The following CGB7 variants were observed in gnomAD, a reference collection of about 807,000 sequenced individuals.
The protein encoded by CGB7 is choriogonadotropin subunit beta 7.
Under a neutral mutation model 7.3 loss-of-function variants are expected in CGB7, and 6 were observed. The ratio of observed to expected loss-of-function variants is 0.82; its 90% CI spans 0.45 to 1.62. CGB7 has a LOEUF of 1.62. Among genes scored for constraint, CGB7 ranks in the 40% most tolerant of loss-of-function variants. CGB7 has a pLI of 0.01. For missense variants in CGB7, 114 were observed against 236.2 expected, an observed-to-expected ratio of 0.48 and a Z score of 3.39; for synonymous variants, 47 against 100.8, an observed-to-expected ratio of 0.47 and a Z score of 3.20.
At chr19:49,057,097 G>A (rs1017592603) in intron 2 of CGB7, 24 bp downstream of exon 2, 84 of 1,531,166 alleles carry the variant, frequency 5.5e-5, no homozygotes, top group Middle Eastern at 4.4e-4. Context: ...GCAGGAGGCG[G>A]TGCCGAGCGA....
Position 49,057,217 on chromosome 19 carries a change from A to G in CGB7, c.-1317T>C, listed in dbSNP as rs1335656593. On this transcript the variant is annotated 5_prime_UTR_variant, in exon 2 of 5. Transcript: ENST00000684222. ...GGATACTGTGAAGGGTGGGCCAGAC[A>G]GCGCGGGGTTCTTCGTGCAGGCGAT... 6.5e-7 allele frequency: 1 copy of G among 1,534,044 alleles called. No homozygotes were observed. Among genetic ancestry groups the G allele is most frequent in the Non-Finnish European group, 8.7e-7 (1 of 1,146,258 alleles).
chr19:49,057,509 C>G lies in CGB7; in HGVS notation c.-1396G>C. On this transcript the variant is annotated 5_prime_UTR_variant, in exon 1 of 5. Coordinates refer to ENST00000684222, the MANE Select transcript of CGB7 (RefSeq NM_001385261.1). The stretch of plus-strand genomic sequence containing the variant: ...GCTGGTCAAGGAACTCAAATGCAGG[C>G]CCCCAGCCACCACAAAATCCCCCTG... 3 of 1,234,396 alleles carry G rather than the reference C, an allele frequency of 2.4e-6. No individual in the cohort carries two copies. Among genetic ancestry groups the G allele is most frequent in the Non-Finnish European group, 3.1e-6 (3 of 979,576 alleles). 76.5% of individuals were successfully genotyped at this position (1,234,396 alleles called of 1,614,324 possible). A position where few individuals can be genotyped will look rare whatever the true frequency, so the allele number is the denominator to read the frequency against.
Position 49,054,999 on chromosome 19 carries a change from G to A in CGB7, c.25C>T (p.Leu9=), listed in dbSNP as rs141607533. 0.019 allele frequency: 30,854 copies of A among 1,602,250 alleles called. 520 individuals are homozygous for A. Among genetic ancestry groups the A allele is most frequent in the Middle Eastern group, 0.043 (192 of 4,468 alleles). The change falls in exon 4 of 5, where the codon CTG becomes TTG. Residue 9 remains leucine (L), a synonymous_variant. Coordinates refer to ENST00000684222, the MANE Select transcript of CGB7 (RefSeq NM_001385261.1). MEMFQGLL[L]LLLLSMGGTW... ...CCGCCCATGCTCAGCAGCAGCAACA[G>A]CAGCAGCCCCTGGGACAAGGACACT... is the stretch of plus-strand genomic sequence containing the variant.
At position 49,056,978 on chromosome 19, in the gene CGB7, G is replaced by A. The variant is rs140697645; in HGVS notation, c.-1221+143C>T. 2.2e-3 allele frequency: 1,883 copies of A among 862,306 alleles called. 7 individuals carry two copies. Among genetic ancestry groups the A allele is most frequent in the Middle Eastern group, 7.0e-3 (20 of 2,858 alleles). The allele number at this position is 862,306 out of a possible 1,614,324, so 53.4% of individuals were successfully genotyped here. On this transcript the variant is annotated intron_variant, in intron 2 of 4. Coordinates refer to ENST00000684222, the MANE Select transcript of CGB7 (RefSeq NM_001385261.1). ...TGGGTGCTAAAAGAGGGAGGGGCTG[G>A]GGTCTGAACTGTGGTTGTTGCTGCT... is the stretch of plus-strand genomic sequence containing the variant.
Position 49,055,603 on chromosome 19 carries a change from C to G in CGB7, c.-228G>C. 6.9e-7 allele frequency: 1 copy of G among 1,456,552 alleles called. No individual in the cohort carries two copies. The highest frequency in any genetic ancestry group is 9.0e-7 in the Non-Finnish European group (1 of 1,105,886). 90.2% of individuals were successfully genotyped at this position (1,456,552 alleles called of 1,614,324 possible). A position where few individuals can be genotyped will look rare whatever the true frequency, so the allele number is the denominator to read the frequency against. ...TGAGGCGGAGACCACGGTGAAGTGA[C>G]CTCTGAGACTCAGTCGTCGAGTGCT... is the stretch of plus-strand genomic sequence containing the variant. On this transcript the variant is annotated 5_prime_UTR_variant, in exon 3 of 5. Transcript: ENST00000684222.
intron 3 of CGB7, 71 bp downstream of exon 3, chr19:49,055,290 G>A (rs1312388610): frequency 1.2e-6 from 2 of 1,608,582 alleles, no homozygotes; most frequent in African/African-American, 1.3e-5. Context: ...AGCTCACACT[G>A]GTCTGCCCCT....
chr19:49,057,499 C>G lies in CGB7; in HGVS notation c.-1386G>C. 1 of 1,248,422 alleles carries G rather than the reference C, an allele frequency of 8.0e-7. No individual in the cohort carries two copies. The highest frequency in any genetic ancestry group is 1.0e-6 in the Non-Finnish European group (1 of 988,104). The allele number at this position is 1,248,422 out of a possible 1,614,324, so 77.3% of individuals were successfully genotyped here. A position where few individuals can be genotyped will look rare whatever the true frequency, so the allele number is the denominator to read the frequency against. ...AAGCCCTCCTGCTGGTCAAGGAACT[C>G]AAATGCAGGCCCCCAGCCACCACAA... On this transcript the variant is annotated 5_prime_UTR_variant, in exon 1 of 5. Coordinates refer to ENST00000684222, the MANE Select transcript of CGB7 (RefSeq NM_001385261.1).
Position 49,056,344 on chromosome 19 carries a change from C to T in CGB7, c.-969G>A, listed in dbSNP as rs1274096809. 2.3e-6 allele frequency: 3 copies of T among 1,295,090 alleles called. No homozygotes were observed. The highest frequency in any genetic ancestry group is 5.4e-5 in the East Asian group (1 of 18,572). 80.2% of individuals were successfully genotyped at this position (1,295,090 alleles called of 1,614,324 possible). On this transcript the variant is annotated 5_prime_UTR_variant, in exon 3 of 5. Transcript: ENST00000684222. Reference sequence around the variant, plus strand: ...AGGCTTTCGGGACGCTGTGTATGCCCGGCAGGGGCTTCCAGTGGGGGCCAC... The same window carrying T: ...AGGCTTTCGGGACGCTGTGTATGCCTGGCAGGGGCTTCCAGTGGGGGCCAC...
chr19:49,056,259 C>T lies in CGB7; in HGVS notation c.-884G>A. On this transcript the variant is annotated 5_prime_UTR_variant, in exon 3 of 5. Coordinates refer to ENST00000684222, the MANE Select transcript of CGB7 (RefSeq NM_001385261.1). ...GGGGGCGTGTCTGGGGTGGGGCTGG[C>T]CCGGCAGGCTCCCACTAGCCCCGGC... The T allele has an allele frequency of 7.8e-7, 1 of 1,290,278 alleles. No individual in the cohort carries two copies. Among genetic ancestry groups the T allele is most frequent in the Non-Finnish European group, 1.0e-6 (1 of 989,258 alleles). The allele number at this position is 1,290,278 out of a possible 1,614,324, so 79.9% of individuals were successfully genotyped here.
In CGB7 at chr19:49,055,515, A is replaced by G. The variant is rs578087146; in HGVS notation, c.-140T>C. On this transcript the variant is annotated 5_prime_UTR_variant, in exon 3 of 5. Transcript: ENST00000684222. ...GGGCGAGAAGTAGACAAGGCCAGGG[A>G]GGCACAGGAGTGGCTCAGCGGAGCA... The G allele has an allele frequency of 6.5e-4, 1,029 of 1,591,898 alleles. 6 individuals are homozygous for G. Among genetic ancestry groups the G allele is most frequent in the Non-Finnish European group, 8.1e-4 (941 of 1,167,614 alleles).
In CGB7 at chr19:49,054,393, G is replaced by C. The variant is rs1273477261; in HGVS notation, c.396C>G (p.Asp132Glu). 3 of 1,607,386 alleles carry C rather than the reference G, an allele frequency of 1.9e-6. No homozygotes were observed. The highest frequency in any genetic ancestry group is 2.2e-5 in the East Asian group (1 of 44,690). ...AGGAAGAGGAGGCCTGGAAGCGGGG[G>C]TCATCACAGGTCAAGGGGTGGTCCT... is the stretch of plus-strand genomic sequence containing the variant. Reference protein sequence around the residue: ...GPKDHPLTCDDPRFQASSSSK... With the variant: ...GPKDHPLTCDEPRFQASSSSK... Residue 132 changes from aspartate to glutamate, a missense_variant, in exon 5 of 5, where the codon GAC becomes GAG. Around this residue, in one of 3 missense-constraint regions of CGB7, gnomAD observed 36 missense variants for 126.1 expected, o/e 0.29. Transcript: ENST00000684222.
In CGB7 at chr19:49,056,370, C is replaced by T. The variant is rs772394539; in HGVS notation, c.-995G>A. 5 of 1,295,468 alleles carry T rather than the reference C, an allele frequency of 3.9e-6. No individual in the cohort carries two copies. Among genetic ancestry groups the T allele is most frequent in the African/African-American group, 1.5e-5 (1 of 65,972 alleles). 80.2% of individuals were successfully genotyped at this position (1,295,468 alleles called of 1,614,324 possible). ...GGCAGGGGCTTCCAGTGGGGGCCAC[C>T]CCAAGTCGCCTCCAGCGGGCGGAAG... On this transcript the variant is annotated 5_prime_UTR_variant, in exon 3 of 5. Coordinates refer to ENST00000684222, the MANE Select transcript of CGB7 (RefSeq NM_001385261.1).
At position 49,057,562 on chromosome 19, in the gene CGB7, G is replaced by C; in HGVS notation, c.-1449C>G. Reference sequence around the variant, plus strand: ...TCTGCCCCCGGTCTCAAGCCTTCTTGGTGTGGCCACTGGAGCTGAGCTGCA... The same window carrying C: ...TCTGCCCCCGGTCTCAAGCCTTCTTCGTGTGGCCACTGGAGCTGAGCTGCA... On this transcript the variant is annotated 5_prime_UTR_variant, in exon 1 of 5. Coordinates refer to ENST00000684222, the MANE Select transcript of CGB7 (RefSeq NM_001385261.1). The C allele has an allele frequency of 8.4e-7, 1 of 1,187,886 alleles. No individual in the cohort carries two copies. Among genetic ancestry groups the C allele is most frequent in the Non-Finnish European group, 1.1e-6 (1 of 951,906 alleles). 73.6% of individuals were successfully genotyped at this position (1,187,886 alleles called of 1,614,324 possible).
Position 49,055,716 on chromosome 19 carries a change from G to A in CGB7, c.-341C>T. The A allele has an allele frequency of 7.8e-7, 1 of 1,274,870 alleles. No homozygotes were observed. The highest frequency in any genetic ancestry group is 1.0e-6 in the Non-Finnish European group (1 of 1,000,562). 79.0% of individuals were successfully genotyped at this position (1,274,870 alleles called of 1,614,324 possible). ...GTGGGGTCTTGGGAACCAGGAGGAGGCCGTGACCCGAGAAAGGTGCTGGAC... is the reference window on the plus strand; with the variant it reads ...GTGGGGTCTTGGGAACCAGGAGGAGACCGTGACCCGAGAAAGGTGCTGGAC... On this transcript the variant is annotated 5_prime_UTR_variant, in exon 3 of 5. Transcript: ENST00000684222.
rs1418777238 is a variant in CGB7 at position 49,056,209 on chromosome 19, A to G, written c.-834T>C. The G allele has an allele frequency of 7.8e-7, 1 of 1,280,014 alleles. No homozygotes were observed. The highest frequency in any genetic ancestry group is 1.0e-6 in the Non-Finnish European group (1 of 983,464). The allele number at this position is 1,280,014 out of a possible 1,614,324, so 79.3% of individuals were successfully genotyped here. A position where few individuals can be genotyped will look rare whatever the true frequency, so the allele number is the denominator to read the frequency against. ...GACACCGCGTAGTGAGCGGCTGCCC[A>G]GAGCTCTGCTCCGCCCCCACGCCAG... On this transcript the variant is annotated 5_prime_UTR_variant, in exon 3 of 5. Coordinates refer to ENST00000684222, the MANE Select transcript of CGB7 (RefSeq NM_001385261.1).
Position 49,054,823 on chromosome 19 carries a change from G to A in CGB7, c.183+18C>T, listed in dbSNP as rs555520021. On this transcript the variant is annotated intron_variant, in intron 4 of 4. Coordinates refer to ENST00000684222, the MANE Select transcript of CGB7 (RefSeq NM_001385261.1). ...GGCCCTGAGGTGGCAGCACCTGCCC[G>A]GGCCCCGGGCAGCTCACCATGGTGG... 5.9e-6 allele frequency: 9 copies of A among 1,534,360 alleles called. No individual in the cohort carries two copies. Among genetic ancestry groups the A allele is most frequent in the East Asian group, 2.3e-5 (1 of 43,498 alleles).
rs60722428 is a variant in CGB7 at position 49,055,754 on chromosome 19, C to T, written c.-379G>A. ...AAAGGTGCTGGACTGAAGCCTCAAC[C>T]CTCCTCTACTTGAGCCATTCCTGCA... On this transcript the variant is annotated 5_prime_UTR_variant, in exon 3 of 5. Coordinates refer to ENST00000684222, the MANE Select transcript of CGB7 (RefSeq NM_001385261.1). The T allele has an allele frequency of 0.31, 358,639 of 1,173,702 alleles. 54,391 individuals carry two copies. Among genetic ancestry groups the T allele is most frequent in the South Asian group, 0.39 (17,913 of 45,482 alleles). 72.7% of individuals were successfully genotyped at this position (1,173,702 alleles called of 1,614,324 possible). A position where few individuals can be genotyped will look rare whatever the true frequency, so the allele number is the denominator to read the frequency against.
Position 49,057,734 on chromosome 19 carries a change from C to T in CGB7, c.-1621G>A. 2.3e-6 allele frequency: 3 copies of T among 1,323,838 alleles called. No individual in the cohort carries two copies. In the South Asian group the frequency reaches 5.5e-5, roughly 24 times the overall value. The allele number at this position is 1,323,838 out of a possible 1,614,324, so 82.0% of individuals were successfully genotyped here. On this transcript the variant is annotated 5_prime_UTR_variant, in exon 1 of 5. Transcript: ENST00000684222. ...GGCGAGTTTCCAGCCCCTGGTCCTT[C>T]TGGCCTGGCGTGGATGCCCAGCCCT...
Position 49,055,775 on chromosome 19 carries a change from C to T in CGB7, c.-400G>A. The T allele has an allele frequency of 8.8e-7, 1 of 1,141,150 alleles. No homozygotes were observed. The highest frequency in any genetic ancestry group is 1.1e-6 in the Non-Finnish European group (1 of 920,794). 70.7% of individuals were successfully genotyped at this position (1,141,150 alleles called of 1,614,324 possible). A position where few individuals can be genotyped will look rare whatever the true frequency, so the allele number is the denominator to read the frequency against. On this transcript the variant is annotated 5_prime_UTR_variant, in exon 3 of 5. Transcript: ENST00000684222. ...CAACCCTCCTCTACTTGAGCCATTC[C>T]TGCACCACAGTCCAACCTAACAGGA...
Sources: allele counts gnomAD v4.1 joint callset, GRCh38; gene constraint gnomAD v4.1.1; regional missense constraint gnomAD v4.1.1; transcripts MANE v1.5; gene names NCBI Gene and HGNC (gene_info 2026-07-23, HGNC 2026-07-21).